Variants in ACACA observed in about 807,000 individuals in gnomAD.
ACACA encodes the protein acetyl-CoA carboxylase 1.
A neutral mutation model predicts 296.1 loss-of-function variants in ACACA; 103 were observed. The ratio of observed to expected loss-of-function variants is 0.35; its 90% CI spans 0.30 to 0.41. The LOEUF (loss-of-function observed/expected upper bound fraction) is 0.41. ACACA is among the 10% of genes least tolerant of loss of function. ACACA has a pLI of 1.00. For synonymous variants in ACACA, 953 were observed against 1,038.6 expected, an observed-to-expected ratio of 0.92 and a Z score of 1.58; for missense variants, 1,554 against 2,989.7, an observed-to-expected ratio of 0.52 and a Z score of 11.20.
rs1173883631 is a variant in ACACA at position 37,173,982 on chromosome 17, TTATATATATATATATATATATA to T, written c.5079+5256_5079+5277del. 5.7e-4 allele frequency among the ~76,000 whole-genome samples: 11 copies of T among 19,440 alleles called. 1 individual carries two copies. Among genetic ancestry groups the T allele is most frequent in the East Asian group, 1.8e-3 (2 of 1,120 alleles). The allele number at this position is 19,440 out of a possible 152,430, so 12.8% of individuals were successfully genotyped here. Reference sequence around the variant, plus strand: ...GCGCCTGCCAACACGCCTGGCTAATTTATATATATATATATATATATATATATATATATATATATTTTTTTTT... The same window carrying T: ...GCGCCTGCCAACACGCCTGGCTAATTTATATATATATATATATTTTTTTTT... On this transcript the variant is annotated intron_variant, in intron 41 of 55. Transcript: ENST00000616317.
At chr17:37,388,534 A>C in intron 1 of ACACA, 1 of 1,036,700 alleles carries the variant, frequency 9.6e-7, no homozygotes, top group Non-Finnish European at 1.4e-6. Flanking sequence ...TTTGAATTGG[A>C]AATTCTGCCT....
chr17:37,357,847 G>T (rs1274618563), intron 1 of ACACA, among the ~76,000 whole-genome samples: 1 of 152,082 alleles, frequency 6.6e-6, no homozygotes, highest in East Asian at 1.9e-4. Context: ...CTCAAGAAGG[G>T]ACAAATATGA....
chr17:37,216,180 A>G (rs1458599593), intron 29 of ACACA, among the ~76,000 whole-genome samples: 4 of 127,962 alleles, frequency 3.1e-5, no homozygotes, highest in Admixed American at 8.0e-5. Flanking sequence ...TTACATATAC[A>G]TACACACACG....
chr17:37,181,467 G>T, intron 39 of ACACA, 111 bp from the exon 40 acceptor site: 1 of 1,222,118 alleles, frequency 8.2e-7, no homozygotes, highest in Non-Finnish European at 1.2e-6. Context: ...ATTTTTGGTA[G>T]GTTGAGTAGC....
rs149712382 is a variant in ACACA at position 37,120,423 on chromosome 17, G to A, written c.6274+932C>T. On this transcript the variant is annotated intron_variant, in intron 50 of 55. Coordinates refer to ENST00000616317, the MANE Select transcript of ACACA (RefSeq NM_198834.3). Reference sequence around the variant, plus strand: ...TGGGACTACAAGCGCCCACCACCACGCCAGCTAAGTTTTGTATTTTAGCAG... The same window carrying A: ...TGGGACTACAAGCGCCCACCACCACACCAGCTAAGTTTTGTATTTTAGCAG... Among the ~76,000 whole-genome samples, 458 of 151,776 alleles carry A rather than the reference G, an allele frequency of 3.0e-3. 3 individuals are homozygous for A. The South Asian group carries it at 0.033, about 11-fold the overall frequency.
chr17:37,155,665 C>G lies in ACACA; in HGVS notation c.5447+18G>C, dbSNP rs756348412. ...TTCTTTAGTCATGACCAAATTATTC[C>G]AATACATATATACCTACCTGGATTC... On this transcript the variant is annotated intron_variant, in intron 43 of 55. Coordinates refer to ENST00000616317, the MANE Select transcript of ACACA (RefSeq NM_198834.3). The G allele has an allele frequency of 6.5e-7, 1 of 1,549,056 alleles. No individual in the cohort carries two copies. Among genetic ancestry groups the G allele is most frequent in the Non-Finnish European group, 8.9e-7 (1 of 1,124,206 alleles).
chr17:37,202,747 A>C (rs2078323253), intron 33 of ACACA, among the ~76,000 whole-genome samples: 1 of 139,624 alleles, frequency 7.2e-6, no homozygotes, highest in African/African-American at 2.6e-5. Context: ...GGAGATGAAA[A>C]TGCCAAATGT....
intron 5 of ACACA, 75 bp from the exon 6 acceptor site, chr17:37,278,080 T>A: frequency 9.1e-7 from 1 of 1,102,706 alleles, no homozygotes; most frequent in East Asian, 2.4e-5. Flanking sequence ...CAAAACTACG[T>A]AAAGGTCAGG....
intron 45 of ACACA, 83 bp downstream of exon 45, chr17:37,149,781 T>C: frequency 1.6e-6 from 2 of 1,267,786 alleles, no homozygotes; most frequent in Non-Finnish European, 2.3e-6. Flanking sequence ...AACTGCTTCC[T>C]TCCAATCAGG....
In ACACA at chr17:37,125,790, T is replaced by C; in HGVS notation, c.5949A>G (p.Gln1983=). The C allele has an allele frequency of 1.9e-6, 3 of 1,613,350 alleles. No individual in the cohort carries two copies. Among genetic ancestry groups the C allele is most frequent in the African/African-American group, 1.3e-5 (1 of 75,038 alleles). ...WMLAGRPHPT[Q]KGQWLSGFFD... is the part of the protein sequence containing the mutation. ...AAAAGCCACTCAACCACTGACCTTT[T>C]TGGGCTACAGAAGGGAAAGAAAGAA... Residue 1983 remains glutamine, a synonymous_variant, in exon 48 of 56, where the codon CAA becomes CAG. Transcript: ENST00000616317.
intron 52 of ACACA, among the ~76,000 whole-genome samples, chr17:37,111,089 C>G (rs897159316): frequency 6.6e-6 from 1 of 152,166 alleles, no homozygotes; most frequent in African/African-American, 2.4e-5. Context: ...TTCTATTTCT[C>G]TAGCTCAGGA....
chr17:37,119,595 CACACACA>C (rs1363262710), intron 50 of ACACA, among the ~76,000 whole-genome samples: 14 of 44,718 alleles, frequency 3.1e-4, no homozygotes, highest in Admixed American at 2.7e-3. Flanking sequence ...ACCAAACACA[CACACACA>C]CACACACACA....
At chr17:37,356,151 G>C (rs140681041) in intron 1 of ACACA, among the ~76,000 whole-genome samples, 1,709 of 152,196 alleles carry the variant, frequency 0.011, 34 homozygotes, top group African/African-American at 0.037. Context: ...CTGGGCAAAA[G>C]AGCGAGACTC....
At chr17:37,318,090 G>A (rs2047179995) in intron 3 of ACACA, among the ~76,000 whole-genome samples, 2 of 152,128 alleles carry the variant, frequency 1.3e-5, no homozygotes, top group South Asian at 4.1e-4. Flanking sequence ...TGCTAAGAAA[G>A]TCAATACATA....
intron 1 of ACACA, among the ~76,000 whole-genome samples, chr17:37,353,994 G>C (rs1316739804): frequency 6.6e-6 from 1 of 152,152 alleles, no homozygotes; most frequent in Non-Finnish European, 1.5e-5. Context: ...TGCGATCCCA[G>C]CTACTCAGGA....
intron 41 of ACACA, among the ~76,000 whole-genome samples, chr17:37,166,137 T>G (rs1250216184): frequency 1.3e-5 from 2 of 152,056 alleles, no homozygotes; most frequent in African/African-American, 4.8e-5. Context: ...TTTTTTCAAT[T>G]TAATTTTTTT....
chr17:37,321,796 T>C (rs2047371136), intron 3 of ACACA, among the ~76,000 whole-genome samples: 1 of 150,574 alleles, frequency 6.6e-6, no homozygotes, highest in African/African-American at 2.5e-5. Flanking sequence ...ATACAAAAAT[T>C]AGCCGGGCAT....
intron 2 of ACACA, among the ~76,000 whole-genome samples, chr17:37,336,592 A>C (rs1021302665): frequency 2.6e-5 from 4 of 152,196 alleles, no homozygotes; most frequent in African/African-American, 9.7e-5. Flanking sequence ...ATATAAACCC[A>C]GGCATTCGAG....
rs1225016142 is a variant in ACACA at position 37,087,216 on chromosome 17, C to T, written c.*100G>A. ...AGTAAAATGCCATTTGACTCCAGTG[C>T]TGGGTCTCCTGTGCCTTCTCATTAC... On this transcript the variant is annotated 3_prime_UTR_variant, in exon 56 of 56. Transcript: ENST00000616317. 1 of 1,535,188 alleles carries T rather than the reference C, an allele frequency of 6.5e-7. No individual in the cohort carries two copies. Among genetic ancestry groups the T allele is most frequent in the East Asian group, 2.2e-5 (1 of 44,446 alleles).
Sources: allele counts gnomAD v4.1 joint callset (sites outside exome capture counted in the v4.1 genomes callset), GRCh38; gene constraint gnomAD v4.1.1; transcripts MANE v1.5; gene names NCBI Gene and HGNC (gene_info 2026-07-23, HGNC 2026-07-21).